SEMA3A: variants seen among roughly 807,000 people sequenced by gnomAD.
The protein encoded by SEMA3A is semaphorin 3A.
Under a neutral mutation model 97.9 loss-of-function variants are expected in SEMA3A, and 29 were observed. The ratio of observed to expected loss-of-function variants is 0.30; its 90% CI spans 0.22 to 0.40. SEMA3A has a LOEUF of 0.40. Among genes scored for constraint, SEMA3A ranks in the 10% least tolerant of loss-of-function variants. The pLI, the probability that SEMA3A is intolerant of heterozygous loss-of-function variation, is 1.00. For synonymous variants in SEMA3A, 321 were observed against 323.7 expected (o/e 0.99, Z 0.09); for missense variants, 763 against 951.3 (o/e 0.80, Z 2.60).
At chr7:84,283,631 T>C (rs903661024) in intron 3 of SEMA3A, among the ~76,000 whole-genome samples, 1 of 152,020 alleles carries the variant, frequency 6.6e-6, no homozygotes, top group African/African-American at 2.4e-5. Flanking sequence ...AACTAGCTGC[T>C]TATTAGATAT....
chr7:84,401,520 A>G (rs1240203498), intron 1 of SEMA3A, among the ~76,000 whole-genome samples: 1 of 151,770 alleles, frequency 6.6e-6, no homozygotes, highest in Non-Finnish European at 1.5e-5. Context: ...TAAAATTTGC[A>G]TGGAACTACA....
intron 1 of SEMA3A, among the ~76,000 whole-genome samples, chr7:84,473,652 G>A (rs1470100117): frequency 6.6e-6 from 1 of 152,016 alleles, no homozygotes; most frequent in Non-Finnish European, 1.5e-5. Flanking sequence ...GCCTCCCAAA[G>A]TGCTGGGTTT....
chr7:83,995,118 G>A (rs998637063), intron 12 of SEMA3A, among the ~76,000 whole-genome samples: 6 of 152,180 alleles, frequency 3.9e-5, no homozygotes, highest in Non-Finnish European at 5.9e-5. Flanking sequence ...ACTCGGAAAA[G>A]GAACTCCCTG....
At chr7:84,253,227 T>G (rs1363274241) in intron 3 of SEMA3A, among the ~76,000 whole-genome samples, 8 of 152,162 alleles carry the variant, frequency 5.3e-5, no homozygotes, top group Admixed American at 5.2e-4. Context: ...TTAAGAGCTA[T>G]GTAACTTTTT....
At chr7:84,086,443 T>A (rs35663910) in intron 4 of SEMA3A, among the ~76,000 whole-genome samples, 18 of 140,020 alleles carry the variant, frequency 1.3e-4, no homozygotes, top group Admixed American at 3.7e-4. Flanking sequence ...ATTTATATTT[T>A]ATATATTATT....
chr7:84,403,410 G>A (rs1171908803), intron 1 of SEMA3A, among the ~76,000 whole-genome samples: 1 of 152,222 alleles, frequency 6.6e-6, no homozygotes, highest in Non-Finnish European at 1.5e-5. Flanking sequence ...AGCTTGAACT[G>A]GGTGGAGCCC....
intron 1 of SEMA3A, among the ~76,000 whole-genome samples, chr7:84,424,089 CT>C (rs1048652972): frequency 2.7e-4 from 41 of 151,560 alleles, no homozygotes; most frequent in Admixed American, 2.6e-3. Context: ...ATGAAAGTTT[CT>C]TAAAGAACTA....
chr7:83,989,425 T>A (rs986022999), intron 12 of SEMA3A, among the ~76,000 whole-genome samples: 5 of 147,974 alleles, frequency 3.4e-5, no homozygotes, highest in Non-Finnish European at 4.5e-5. Flanking sequence ...CACTAACTCG[T>A]CATCTAGCAT....
At chr7:84,285,686 C>T (rs1800563493) in intron 3 of SEMA3A, among the ~76,000 whole-genome samples, 1 of 152,050 alleles carries the variant, frequency 6.6e-6, no homozygotes, top group South Asian at 2.1e-4. Flanking sequence ...GTGGCTCATG[C>T]CTCTATTCCC....
intron 1 of SEMA3A, among the ~76,000 whole-genome samples, chr7:84,479,274 T>G (rs936482080): frequency 1.2e-4 from 19 of 152,166 alleles, no homozygotes; most frequent in African/African-American, 2.2e-4. Context: ...AGTGCTATAT[T>G]TACATAGCTG....
At chr7:83,966,815 G>A (rs151252476) in intron 15 of SEMA3A, among the ~76,000 whole-genome samples, 15,338 of 151,770 alleles carry the variant, frequency 0.1, 1,118 homozygotes, top group African/African-American at 0.2. Context: ...GGGTTCAAGC[G>A]ATTCTCCTGC....
chr7:84,274,256 A>G (rs1174632431), intron 3 of SEMA3A, among the ~76,000 whole-genome samples: 1 of 151,992 alleles, frequency 6.6e-6, no homozygotes, highest in Admixed American at 6.6e-5. Flanking sequence ...CTCACAGGCC[A>G]CTCTAACTTG....
intron 2 of SEMA3A, among the ~76,000 whole-genome samples, chr7:84,323,069 G>T (rs112157049): frequency 2.6e-5 from 4 of 152,252 alleles, no homozygotes; most frequent in African/African-American, 9.6e-5. Flanking sequence ...CTTTGTCAGT[G>T]TATAATGAAG....
intron 9 of SEMA3A, 113 bp downstream of exon 9, chr7:84,010,909 T>C: frequency 1.4e-6 from 1 of 699,626 alleles, no homozygotes; most frequent in Non-Finnish European, 2.4e-6. Context: ...ACACAACAGC[T>C]CAAAGGTTAA....
intron 2 of SEMA3A, among the ~76,000 whole-genome samples, chr7:84,365,060 A>T (rs1176373207): frequency 6.6e-6 from 1 of 151,640 alleles, no homozygotes; most frequent in East Asian, 1.9e-4. Flanking sequence ...GAATAAAAAA[A>T]AATATGACAA....
At chr7:84,054,412 C>G (rs1480473852) in intron 5 of SEMA3A, among the ~76,000 whole-genome samples, 1 of 152,034 alleles carries the variant, frequency 6.6e-6, no homozygotes, top group African/African-American at 2.4e-5. Context: ...TTGCTCATTT[C>G]TTTTTATTCT....
At chr7:83,970,551 CAG>C (rs1788871530) in intron 15 of SEMA3A, among the ~76,000 whole-genome samples, 1 of 152,120 alleles carries the variant, frequency 6.6e-6, no homozygotes, top group Non-Finnish European at 1.5e-5. Context: ...GTAGAGAAGA[CAG>C]AGATGGATGA....
At chr7:84,471,337 C>A (rs2116410613) in intron 1 of SEMA3A, among the ~76,000 whole-genome samples, 1 of 152,122 alleles carries the variant, frequency 6.6e-6, no homozygotes, top group African/African-American at 2.4e-5. Flanking sequence ...TTTTCTGATT[C>A]ATCATATTTA....
At chr7:84,227,772 C>G (rs1212753990) in intron 3 of SEMA3A, among the ~76,000 whole-genome samples, 2 of 152,040 alleles carry the variant, frequency 1.3e-5, no homozygotes, top group African/African-American at 4.8e-5. Flanking sequence ...ATAACTCCCC[C>G]ACCAGACTAT....
Sources: gnomAD v4.1 joint callset for allele counts (sites outside exome capture counted in the v4.1 genomes callset) on GRCh38, gnomAD v4.1.1 for gene constraint, MANE v1.5 for transcripts, NCBI Gene and HGNC (gene_info 2026-07-23, HGNC 2026-07-21) for gene names.